PHF24: variants seen among roughly 807,000 people sequenced by gnomAD.
The protein encoded by PHF24 is Galpha inhibitory interacting protein.
A neutral mutation model predicts 42.6 loss-of-function variants in PHF24; 25 were observed. The observed-to-expected ratio is 0.59, with a 90% CI of 0.43 to 0.82. PHF24 has a LOEUF of 0.82. Ranked by LOEUF, PHF24 falls within the 40% of genes least tolerant of loss-of-function variation. PHF24 has a pLI of 0.00. For missense variants in PHF24, 470 were observed against 538.1 expected (o/e 0.87, Z 1.25); for synonymous variants, 185 against 204.8 (o/e 0.90, Z 0.83).
At chr9:34,863,379 A>G in the PHF24 span, among the ~76,000 whole-genome samples, 1,041 of 151,888 alleles carry the variant, frequency 6.9e-3, 15 homozygotes, top group African/African-American at 0.024. Flanking sequence ...GGTGGTGGCC[A>G]CAGGGGTGCT....
chr9:34,723,114 T>G, the PHF24 span: 1 of 1,260,944 alleles, frequency 7.9e-7, no homozygotes, highest in Non-Finnish European at 1.1e-6. Context: ...TTTATGGAAA[T>G]GACAATACTG....
the PHF24 span, among the ~76,000 whole-genome samples, chr9:34,786,232 A>G: frequency 6.6e-6 from 1 of 152,218 alleles, no homozygotes; most frequent in African/African-American, 2.4e-5. Context: ...CACAGTCACC[A>G]TAAGGAAAGG....
At chr9:34,947,023 C>T in the PHF24 span, among the ~76,000 whole-genome samples, 2 of 152,298 alleles carry the variant, frequency 1.3e-5, no homozygotes, top group South Asian at 4.1e-4. Flanking sequence ...CAGCAACCCT[C>T]GCCTTTAGAG....
chr9:34,711,567 G>A, the PHF24 span, among the ~76,000 whole-genome samples: 1 of 142,902 alleles, frequency 7.0e-6, no homozygotes, highest in Non-Finnish European at 1.5e-5. Flanking sequence ...TTTTGAGACA[G>A]AGTCTCACTC....
the PHF24 span, among the ~76,000 whole-genome samples, chr9:34,717,015 C>T: frequency 3.3e-5 from 5 of 152,160 alleles, no homozygotes; most frequent in African/African-American, 9.7e-5. Context: ...CCAGGACCTC[C>T]ACAGGTGAGG....
At chr9:34,705,315 T>A in the PHF24 span, among the ~76,000 whole-genome samples, 1 of 152,256 alleles carries the variant, frequency 6.6e-6, no homozygotes, top group Non-Finnish European at 1.5e-5. Flanking sequence ...ATTTTATTTT[T>A]AAAATTAATT....
the PHF24 span, chr9:34,709,221 T>C: frequency 2.5e-6 from 2 of 797,926 alleles, no homozygotes. Flanking sequence ...CCATGCAGGG[T>C]AGAGCTGGGA....
At chr9:34,895,524 G>A in the PHF24 span, 2 of 398,354 alleles carry the variant, frequency 5.0e-6, no homozygotes, top group Non-Finnish European at 8.8e-6. Context: ...AAAGCTCGGG[G>A]ATAAAATCTT....
chr9:34,769,888 A>G, the PHF24 span, among the ~76,000 whole-genome samples: 1 of 152,168 alleles, frequency 6.6e-6, no homozygotes, highest in Non-Finnish European at 1.5e-5. Flanking sequence ...AGGTTGTATC[A>G]TATACTTGGG....
At chr9:34,723,119 A>G in the PHF24 span, 71 of 1,296,788 alleles carry the variant, frequency 5.5e-5, no homozygotes, top group East Asian at 7.6e-5. Context: ...GGAAATGACA[A>G]TACTGGTCCT....
the PHF24 span, among the ~76,000 whole-genome samples, chr9:34,755,397 T>C: frequency 6.6e-6 from 1 of 152,088 alleles, no homozygotes; most frequent in Non-Finnish European, 1.5e-5. Context: ...TCATCAGCAT[T>C]AATTTTTTTC....
chr9:34,755,383 A>G, the PHF24 span, among the ~76,000 whole-genome samples: 1 of 152,076 alleles, frequency 6.6e-6, no homozygotes, highest in Admixed American at 6.6e-5. Flanking sequence ...TTTTCTCTGC[A>G]TCCTCATCAG....
the PHF24 span, among the ~76,000 whole-genome samples, chr9:34,871,269 C>A: frequency 6.6e-6 from 1 of 152,088 alleles, no homozygotes; most frequent in Non-Finnish European, 1.5e-5. Context: ...AGTCTTTTGC[C>A]CATTTTTAAA....
the PHF24 span, among the ~76,000 whole-genome samples, chr9:34,692,783 T>C: frequency 7.4e-6 from 1 of 135,876 alleles, no homozygotes; most frequent in Non-Finnish European, 1.6e-5. Flanking sequence ...TCTTCTTTTG[T>C]CCTTTTTTTT....
chr9:34,733,033 A>C, the PHF24 span, among the ~76,000 whole-genome samples: 2 of 152,198 alleles, frequency 1.3e-5, no homozygotes, highest in African/African-American at 4.8e-5. Flanking sequence ...GTATATAACT[A>C]GGAGAAATTC....
chr9:34,691,254 G>A, the PHF24 span: 2 of 764,336 alleles, frequency 2.6e-6, no homozygotes, highest in South Asian at 1.8e-5. Context: ...AATGCAAGGT[G>A]TGAGTGATGT....
At chr9:34,781,892 T>G in the PHF24 span, among the ~76,000 whole-genome samples, 1 of 152,210 alleles carries the variant, frequency 6.6e-6, no homozygotes, top group Non-Finnish European at 1.5e-5. Flanking sequence ...TTATTTCTAT[T>G]ATTAATGTGA....
chr9:34,750,694 T>A, the PHF24 span, among the ~76,000 whole-genome samples: 1 of 151,490 alleles, frequency 6.6e-6, no homozygotes, highest in African/African-American at 2.4e-5. Flanking sequence ...CAGAAAAACA[T>A]ACAATAGATA....
chr9:34,671,173 G>A, the PHF24 span, among the ~76,000 whole-genome samples: 3 of 152,154 alleles, frequency 2.0e-5, no homozygotes, highest in Non-Finnish European at 4.4e-5. Context: ...CTCTACCGTG[G>A]CCTCCCTATC....
Sources: gnomAD v4.1 joint callset for allele counts (sites outside exome capture counted in the v4.1 genomes callset) on GRCh38, gnomAD v4.1.1 for gene constraint, MANE v1.5 for transcripts, NCBI Gene and HGNC (gene_info 2026-07-23, HGNC 2026-07-21) for gene names.